Variants in PPM1H observed in about 807,000 individuals in gnomAD.
The protein encoded by PPM1H is protein phosphatase 1H.
Under a neutral mutation model 54.9 loss-of-function variants are expected in PPM1H, and 27 were observed. The ratio of observed to expected loss-of-function variants is 0.49; its 90% CI spans 0.36 to 0.68. The LOEUF (loss-of-function observed/expected upper bound fraction) is 0.68, where lower values mean the gene tolerates loss of function less well. PPM1H is among the 30% of genes least tolerant of loss of function. PPM1H has a pLI of 0.00. For synonymous variants in PPM1H, 305 were observed against 270.8 expected (o/e 1.13, Z -1.24); for missense variants, 596 against 667.8 (o/e 0.89, Z 1.19).
intron 1 of PPM1H, among the ~76,000 whole-genome samples, chr12:62,833,046 C>T (rs1868398486): frequency 6.6e-6 from 1 of 152,158 alleles, no homozygotes; most frequent in Non-Finnish European, 1.5e-5. Context: ...TGACTATAGA[C>T]TCAACTCTTG....
intron 1 of PPM1H, among the ~76,000 whole-genome samples, chr12:62,868,989 A>ACTGTACCCACTGTGTG (rs1297159052): frequency 6.6e-6 from 1 of 152,164 alleles, no homozygotes; most frequent in Non-Finnish European, 1.5e-5. Context: ...TGAACCACTC[A>ACTGTACCCACTGTGTG]CTGTACCCAC....
At chr12:62,722,088 G>T (rs893545917) in intron 5 of PPM1H, among the ~76,000 whole-genome samples, 5 of 151,988 alleles carry the variant, frequency 3.3e-5, no homozygotes, top group Non-Finnish European at 7.4e-5. Flanking sequence ...CTCCGCGACC[G>T]CACAAGTCAC....
rs940563805 is a variant in PPM1H at position 62,840,416 on chromosome 12, G to A, written c.246-8137C>T. Among the ~76,000 whole-genome samples, 15 of 152,096 alleles carry A rather than the reference G, an allele frequency of 9.9e-5. No homozygotes were observed. The South Asian group carries it at 2.7e-3, about 27-fold the overall frequency. On this transcript the variant is annotated intron_variant, in intron 1 of 9. Transcript: ENST00000228705. ...TTCAACATATGCATTGGGAGGGGAG[G>A]GATGCACACATTTAGTCCATTGGCC... is the stretch of plus-strand genomic sequence containing the variant.
intron 4 of PPM1H, among the ~76,000 whole-genome samples, chr12:62,749,230 G>A (rs1461246963): frequency 6.6e-6 from 1 of 152,188 alleles, no homozygotes; most frequent in Non-Finnish European, 1.5e-5. Context: ...ACACTGTTAA[G>A]AGTATTCATG....
intron 1 of PPM1H, among the ~76,000 whole-genome samples, chr12:62,848,867 A>T (rs1869072669): frequency 6.6e-6 from 1 of 152,056 alleles, no homozygotes; most frequent in Non-Finnish European, 1.5e-5. Flanking sequence ...TGGTAATAGG[A>T]ACATAAACCT....
intron 4 of PPM1H, among the ~76,000 whole-genome samples, chr12:62,785,394 G>A (rs149993129): frequency 8.3e-4 from 126 of 152,276 alleles, no homozygotes; most frequent in East Asian, 1.7e-3. Flanking sequence ...GTCCAGGATG[G>A]TCTCGATCTC....
intron 6 of PPM1H, among the ~76,000 whole-genome samples, chr12:62,704,921 T>C (rs2076164759): frequency 6.6e-6 from 1 of 152,202 alleles, no homozygotes; most frequent in African/African-American, 2.4e-5. Flanking sequence ...AGACCCTGCC[T>C]GGAGTTCTGA....
At chr12:62,689,548 G>A in intron 8 of PPM1H, 151 bp downstream of exon 8, 1 of 599,202 alleles carries the variant, frequency 1.7e-6, no homozygotes, top group Non-Finnish European at 3.0e-6. Context: ...AAGTGAGAAT[G>A]GAGTGGGAAA....
intron 1 of PPM1H, chr12:62,851,026 A>G (rs940644501): frequency 6.6e-6 from 1 of 152,244 alleles, no homozygotes; most frequent in African/African-American, 2.4e-5. Flanking sequence ...TATGAAGTCA[A>G]CTGTTGAAAT....
intron 6 of PPM1H, 99 bp downstream of exon 6, chr12:62,720,072 G>A: frequency 1.9e-6 from 2 of 1,044,696 alleles, no homozygotes; most frequent in African/African-American, 1.6e-5. Context: ...GTCTCTGGCT[G>A]TGCTTCCTGA....
chr12:62,656,846 G>A (rs549275096), intron 9 of PPM1H, among the ~76,000 whole-genome samples: 5 of 152,182 alleles, frequency 3.3e-5, no homozygotes, highest in South Asian at 2.1e-4. Context: ...GTGGCGTCTT[G>A]GTGGGTGGAG....
chr12:62,683,502 T>C (rs1216034380), intron 8 of PPM1H, among the ~76,000 whole-genome samples: 3 of 152,206 alleles, frequency 2.0e-5, no homozygotes, highest in African/African-American at 7.2e-5. Context: ...AGGTCTTTGT[T>C]CTTTTAAAGA....
intron 2 of PPM1H, among the ~76,000 whole-genome samples, chr12:62,815,702 C>T (rs1348763037): frequency 6.6e-6 from 1 of 151,260 alleles, no homozygotes; most frequent in African/African-American, 2.5e-5. Flanking sequence ...CTCTAATAAG[C>T]CTATGAAATA....
chr12:62,702,050 A>G (rs1384386736), intron 6 of PPM1H, among the ~76,000 whole-genome samples: 1 of 152,194 alleles, frequency 6.6e-6, no homozygotes, highest in Non-Finnish European at 1.5e-5. Flanking sequence ...CTCCCTTAGC[A>G]TGTCAGTTTC....
At chr12:62,930,084 C>T (rs956805168) in intron 1 of PPM1H, among the ~76,000 whole-genome samples, 2 of 152,148 alleles carry the variant, frequency 1.3e-5, no homozygotes, top group Admixed American at 6.5e-5. Context: ...TGTGTCTTCA[C>T]CACCACCCAG....
chr12:62,729,330 T>C (rs933385779), intron 5 of PPM1H, among the ~76,000 whole-genome samples: 13 of 152,170 alleles, frequency 8.5e-5, no homozygotes, highest in African/African-American at 2.6e-4. Flanking sequence ...GGAGAGAGCA[T>C]GGCATTTGGA....
intron 1 of PPM1H, among the ~76,000 whole-genome samples, chr12:62,838,487 C>G (rs1196446325): frequency 2.6e-5 from 4 of 152,294 alleles, no homozygotes; most frequent in African/African-American, 9.6e-5. Flanking sequence ...AGAAGGACAA[C>G]TTAATTCCTA....
chr12:62,666,839 G>A (rs748114250), intron 9 of PPM1H, among the ~76,000 whole-genome samples: 13 of 152,110 alleles, frequency 8.5e-5, no homozygotes, highest in East Asian at 5.8e-4. Context: ...TCTGCCTCCC[G>A]AGTAACTGGG....
At chr12:62,665,055 C>T (rs2075909301) in intron 9 of PPM1H, among the ~76,000 whole-genome samples, 1 of 145,610 alleles carries the variant, frequency 6.9e-6, no homozygotes, top group Non-Finnish European at 1.5e-5. Context: ...CAGTTTCTTT[C>T]TCTTTTTTTT....
Sources: gnomAD v4.1 joint callset for allele counts (sites outside exome capture counted in the v4.1 genomes callset) on GRCh38, gnomAD v4.1.1 for gene constraint, MANE v1.5 for transcripts, NCBI Gene and HGNC (gene_info 2026-07-23, HGNC 2026-07-21) for gene names.